KIFC3: variants seen among roughly 807,000 people sequenced by gnomAD.
KIFC3 encodes the protein kinesin family member C3.
KIFC3 carries 60 observed loss-of-function variants against 101.8 expected under a neutral mutation model. That is an observed-to-expected ratio of 0.59 (90% confidence interval 0.48 to 0.73). KIFC3 has a LOEUF of 0.73. KIFC3 is among the 30% of genes least tolerant of loss of function. The probability of loss-of-function intolerance (pLI) is 0.00; values close to 1 mark genes in which losing one functional copy is unlikely to be tolerated. For synonymous variants in KIFC3, 476 were observed against 482.7 expected, an observed-to-expected ratio of 0.99 and a Z score of 0.18; for missense variants, 966 against 1,137.1, an observed-to-expected ratio of 0.85 and a Z score of 2.16.
At chr16:57,853,739 C>G (rs1403506216) in intron 1 of KIFC3, among the ~76,000 whole-genome samples, 2 of 152,200 alleles carry the variant, frequency 1.3e-5, no homozygotes, top group Non-Finnish European at 2.9e-5. Context: ...TCAAGCAATT[C>G]TCCTGTCTCA....
chr16:57,846,718 C>G (rs1300560750), intron 1 of KIFC3, among the ~76,000 whole-genome samples: 1 of 152,218 alleles, frequency 6.6e-6, no homozygotes, highest in Non-Finnish European at 1.5e-5. Context: ...TCGTTTCATT[C>G]TGATAGGTAC....
Position 57,770,534 on chromosome 16 carries a change from C to T in KIFC3, c.932G>A (p.Arg311Gln), listed in dbSNP as rs371758967. The change falls in exon 7 of 20, where the codon CGG (arginine) becomes CAG (glutamine). Residue 311 changes from arginine to glutamine, a missense_variant. Physicochemically the swap from Arg to Gln is conservative, Grantham distance 43 (BLOSUM62 1). This residue lies in a region of KIFC3 where 689 missense variants were observed against 884.6 expected (regional missense o/e 0.78). Transcript: ENST00000445690. Reference sequence around the variant, plus strand: ...CCCACACAGCCTGGGTACCTGCGCCCGGAGCCGCGCGGTCAGCTGGTGTGA... The same window carrying T: ...CCCACACAGCCTGGGTACCTGCGCCTGGAGCCGCGCGGTCAGCTGGTGTGA... The part of the protein sequence containing the change: ...QSSHQLTARL[R>Q]AQIAMYESEL... The T allele has an allele frequency of 9.7e-5, 139 of 1,437,488 alleles. No homozygotes were observed. Among genetic ancestry groups the T allele is most frequent in the Middle Eastern group, 1.8e-4 (1 of 5,482 alleles). The allele number at this position is 1,437,488 out of a possible 1,614,324, so 89.0% of individuals were successfully genotyped here. A position where few individuals can be genotyped will look rare whatever the true frequency, so the allele number is the denominator to read the frequency against.
At chr16:57,830,204 C>T (rs1255964913) in intron 1 of KIFC3, among the ~76,000 whole-genome samples, 1 of 151,514 alleles carries the variant, frequency 6.6e-6, no homozygotes, top group Admixed American at 6.6e-5. Context: ...AGTGACCTTA[C>T]CTCTCTGACT....
At chr16:57,808,435 C>A (rs1314164401) in intron 1 of KIFC3, among the ~76,000 whole-genome samples, 1 of 152,174 alleles carries the variant, frequency 6.6e-6, no homozygotes, top group African/African-American at 2.4e-5. Flanking sequence ...GTTATAGCTC[C>A]GGGTTCTAAA....
In KIFC3 at chr16:57,759,148, G is replaced by T. The variant is rs190752355; in HGVS notation, c.*1C>A. The T allele has an allele frequency of 1.4e-4, 213 of 1,550,880 alleles. No individual in the cohort carries two copies. In the African/African-American group the frequency reaches 2.1e-3, roughly 15 times the overall value. ...ACCTAGAGACTCTGCAGCCCCAGCC[G>T]TCAGGCTGAAATCAAAGTGACAGGC... On this transcript the variant is annotated 3_prime_UTR_variant, in exon 19 of 20. Coordinates refer to ENST00000445690, the MANE Select transcript of KIFC3 (RefSeq NM_001130100.2).
At chr16:57,856,524 AAAAG>A (rs1175901234) in intron 1 of KIFC3, among the ~76,000 whole-genome samples, 17 of 151,766 alleles carry the variant, frequency 1.1e-4, no homozygotes, top group Non-Finnish European at 2.4e-4. Context: ...AGGGAGGGAA[AAAAG>A]AAAGAAAAAG....
chr16:57,853,688 A>G (rs986905111), intron 1 of KIFC3, among the ~76,000 whole-genome samples: 3 of 151,868 alleles, frequency 2.0e-5, no homozygotes, highest in South Asian at 2.1e-4. Flanking sequence ...TTGGAGTGCA[A>G]TGGCACAATC....
chr16:57,861,200 G>T (rs1959250718), intron 1 of KIFC3, among the ~76,000 whole-genome samples: 1 of 152,152 alleles, frequency 6.6e-6, no homozygotes, highest in African/African-American at 2.4e-5. Flanking sequence ...CTTAAACTAA[G>T]AATGCATTTT....
chr16:57,775,109 G>A, intron 3 of KIFC3: 1 of 1,453,072 alleles, frequency 6.9e-7, no homozygotes, highest in Non-Finnish European at 9.0e-7. Flanking sequence ...CCAGGGTTCT[G>A]TTCTGTCCTT....
chr16:57,859,964 G>C (rs188769148), intron 1 of KIFC3, among the ~76,000 whole-genome samples: 71 of 150,838 alleles, frequency 4.7e-4, no homozygotes, highest in African/African-American at 1.6e-3. Flanking sequence ...AGAGGTTACA[G>C]AGAGTTGAGA....
intron 3 of KIFC3, chr16:57,774,616 G>A (rs2051779593): frequency 4.3e-6 from 1 of 232,010 alleles, no homozygotes; most frequent in Non-Finnish European, 8.2e-6. Flanking sequence ...TAGACCTCCT[G>A]GACTCAAGCC....
At chr16:57,809,356 C>T (rs978489966) in intron 1 of KIFC3, among the ~76,000 whole-genome samples, 6 of 152,178 alleles carry the variant, frequency 3.9e-5, no homozygotes, top group Non-Finnish European at 7.3e-5. Flanking sequence ...AGTGAGGTGG[C>T]ATGATCAGAG....
chr16:57,773,175 T>C (rs2051511131), intron 3 of KIFC3, among the ~76,000 whole-genome samples: 1 of 152,216 alleles, frequency 6.6e-6, no homozygotes, highest in South Asian at 2.1e-4. Context: ...CAGAACGTCC[T>C]GTGGTGAGCA....
rs997452582 is a variant in KIFC3 at position 57,794,843 on chromosome 16, C to T, written c.315+156G>A. 4.6e-5 allele frequency among the ~76,000 whole-genome samples: 7 copies of T among 152,274 alleles called. No homozygotes were observed. The South Asian group carries it at 1.4e-3, about 32-fold the overall frequency. ...CCCGTCTGACTTAATAAAGCAGGCTCCCAGGCAGAGGGGTCATGAGGGGCC... is the reference window on the plus strand; with the variant it reads ...CCCGTCTGACTTAATAAAGCAGGCTTCCAGGCAGAGGGGTCATGAGGGGCC... On this transcript the variant is annotated intron_variant, in intron 3 of 19. Transcript: ENST00000445690.
At chr16:57,763,320 C>A (rs1452881977) in intron 12 of KIFC3, among the ~76,000 whole-genome samples, 1 of 152,142 alleles carries the variant, frequency 6.6e-6, no homozygotes, top group Non-Finnish European at 1.5e-5. Context: ...CAGAGGATGC[C>A]GCACACATCC....
Position 57,802,069 on chromosome 16 carries a change from G to T in KIFC3, c.-40+301C>A, listed in dbSNP as rs533968562. Among the ~76,000 whole-genome samples the T allele has an allele frequency of 2.0e-5, 3 of 152,234 alleles. No homozygotes were observed. Among genetic ancestry groups the T allele is most frequent in the Admixed American group, 2.0e-4 (3 of 15,294 alleles). On this transcript the variant is annotated intron_variant, in intron 1 of 19. Transcript: ENST00000445690. The surrounding 1 kb of genome is among the most constrained non-coding windows in gnomAD (Gnocchi z 5.0). ...CGGCGCCGATTGACAAGCCCATCCCGGGTAGGGTCTGCGCTCTTCTCGTTC... is the reference window on the plus strand; with the variant it reads ...CGGCGCCGATTGACAAGCCCATCCCTGGTAGGGTCTGCGCTCTTCTCGTTC...
upstream of KIFC3, among the ~76,000 whole-genome samples, chr16:57,805,363 G>A (rs918774676): frequency 2.0e-5 from 3 of 152,164 alleles, no homozygotes; most frequent in Admixed American, 2.0e-4. Context: ...CAGAAACTTC[G>A]CTGATGATTT....
At chr16:57,808,097 TATGAC>T (rs2054983998), upstream of KIFC3, 1 of 152,072 alleles carries the variant, frequency 6.6e-6, no homozygotes, top group Non-Finnish European at 1.5e-5. Context: ...CCTAAAGCCT[TATGAC>T]TCAAGGAGGA....
chr16:57,834,254 G>A (rs1312682297), intron 1 of KIFC3, among the ~76,000 whole-genome samples: 1 of 152,124 alleles, frequency 6.6e-6, no homozygotes, highest in Admixed American at 6.5e-5. Flanking sequence ...GTTACCATCT[G>A]TGAAAATAAT....
Sources: allele counts gnomAD v4.1 joint callset (sites outside exome capture counted in the v4.1 genomes callset), GRCh38; gene constraint gnomAD v4.1.1; regional missense constraint gnomAD v4.1.1; non-coding constraint Gnocchi (gnomAD v3.1); transcripts MANE v1.5; gene names NCBI Gene and HGNC (gene_info 2026-07-23, HGNC 2026-07-21).